The following MRGPRX3 variants were observed in gnomAD, a reference collection of about 807,000 sequenced individuals.
The protein encoded by MRGPRX3 is MAS related GPR family member X3, also known as mas-related G protein-coupled receptor member X3.
A neutral mutation model predicts 16.5 loss-of-function variants in MRGPRX3; 14 were observed. The ratio of observed to expected loss-of-function variants is 0.85; its 90% CI spans 0.56 to 1.33. The LOEUF (loss-of-function observed/expected upper bound fraction) is 1.33, where lower values mean the gene tolerates loss of function less well. MRGPRX3 is among the 40% of genes most tolerant of loss of function. MRGPRX3 has a pLI of 0.00. For synonymous variants in MRGPRX3, 199 were observed against 180.1 expected, an observed-to-expected ratio of 1.10 and a Z score of -0.84; for missense variants, 449 against 413.0, an observed-to-expected ratio of 1.09 and a Z score of -0.76.
At chr11:18,136,538 T>A (rs886583069) in intron 1 of MRGPRX3, among the ~76,000 whole-genome samples, 5 of 152,246 alleles carry the variant, frequency 3.3e-5, no homozygotes, top group African/African-American at 1.2e-4. Context: ...TCATTTTTAT[T>A]TTCCATTTCA....
chr11:18,123,304 G>T (rs1388426778), intron 1 of MRGPRX3, among the ~76,000 whole-genome samples: 1 of 152,028 alleles, frequency 6.6e-6, no homozygotes, highest in African/African-American at 2.4e-5. Context: ...TTTCTTCTAG[G>T]GTTTTTATGG....
intron 1 of MRGPRX3, among the ~76,000 whole-genome samples, chr11:18,125,662 C>T (rs1228275073): frequency 2.0e-5 from 3 of 152,154 alleles, no homozygotes; most frequent in African/African-American, 7.2e-5. Flanking sequence ...AATGTATATT[C>T]TGTTGATTTG....
At position 18,137,337 on chromosome 11, in the gene MRGPRX3, C is replaced by T. The variant is rs566088854; in HGVS notation, c.135C>T (p.Asn45=). Residue 45 remains asparagine, a synonymous_variant, in exon 2 of 2, where the codon AAC becomes AAT. Transcript: ENST00000621697. Reference sequence around the variant, plus strand: ...TTTCCCTTGTCGCGCTGACAGGAAACGCGGTTGTGCTCTGGCTCCTGGGCT... The same window carrying T: ...TTTCCCTTGTCGCGCTGACAGGAAATGCGGTTGTGCTCTGGCTCCTGGGCT... The part of the protein sequence containing the change: ...CIVSLVALTG[N]AVVLWLLGCR... 52 of 1,614,080 alleles carry T rather than the reference C, an allele frequency of 3.2e-5. No homozygotes were observed. The highest frequency in any genetic ancestry group is 1.0e-4 in the Admixed American group (6 of 60,012).
At position 18,137,360 on chromosome 11, in the gene MRGPRX3, G is replaced by A. The variant is rs1311645465; in HGVS notation, c.158G>A (p.Gly53Asp). ...AACGCGGTTGTGCTCTGGCTCCTGG[G>A]CTGCCGCATGCGCAGGAACGCTGTC... Reference protein sequence around the residue: ...TGNAVVLWLLGCRMRRNAVSI... With the variant: ...TGNAVVLWLLDCRMRRNAVSI... The change falls in exon 2 of 2, where the codon GGC becomes GAC. Residue 53 changes from glycine (G) to aspartate (D), a missense_variant. Coordinates refer to ENST00000621697, the MANE Select transcript of MRGPRX3 (RefSeq NM_001370464.1). The A allele has an allele frequency of 1.2e-6, 2 of 1,614,166 alleles. No individual in the cohort carries two copies. Among genetic ancestry groups the A allele is most frequent in the Admixed American group, 1.7e-5 (1 of 60,026 alleles).
intron 1 of MRGPRX3, among the ~76,000 whole-genome samples, chr11:18,125,377 T>C (rs1031951721): frequency 6.6e-6 from 1 of 152,252 alleles, no homozygotes; most frequent in African/African-American, 2.4e-5. Context: ...CCAGAGATTC[T>C]GGTATGTTGT....
chr11:18,124,687 A>G (rs1322299191), intron 1 of MRGPRX3, among the ~76,000 whole-genome samples: 1 of 152,170 alleles, frequency 6.6e-6, no homozygotes, highest in African/African-American at 2.4e-5. Flanking sequence ...TGGTATCAGG[A>G]TGATGCTGGC....
intron 1 of MRGPRX3, among the ~76,000 whole-genome samples, chr11:18,133,877 CA>C (rs1293073837): frequency 1.3e-5 from 2 of 152,218 alleles, no homozygotes; most frequent in Non-Finnish European, 2.9e-5. Flanking sequence ...TGGTGTCTCC[CA>C]GTGTCTCAAT....
In MRGPRX3 at chr11:18,137,560, C is replaced by CG; in HGVS notation, c.359dup (p.Cys121LeufsTer42). The stretch of plus-strand genomic sequence containing the variant: ...CATGCTGAGCGCCATCAGCACCGAG[C>CG]GCTGCCTGTCCATCCTGTGGCCCAT... On this transcript the variant is annotated frameshift_variant, in exon 2 of 2. Transcript: ENST00000621697. LOFTEE classifies it high-confidence loss of function. 1 of 1,614,156 alleles carries CG rather than the reference C, an allele frequency of 6.2e-7. No homozygotes were observed. Among genetic ancestry groups the CG allele is most frequent in the Non-Finnish European group, 8.5e-7 (1 of 1,180,028 alleles).
chr11:18,124,437 T>G (rs534199723), intron 1 of MRGPRX3, among the ~76,000 whole-genome samples: 1 of 152,218 alleles, frequency 6.6e-6, no homozygotes, highest in African/African-American at 2.4e-5. Context: ...CTGCATCTAT[T>G]GAGATAATCA....
chr11:18,131,707 C>A (rs1848962050), upstream of MRGPRX3, among the ~76,000 whole-genome samples: 1 of 151,802 alleles, frequency 6.6e-6, no homozygotes, highest in Admixed American at 6.6e-5. Flanking sequence ...TATTTATATA[C>A]CATGGAATAC....
chr11:18,137,621 C>G lies in MRGPRX3; in HGVS notation c.419C>G (p.Ser140Ter), dbSNP rs201547024. ...TGCCGCCGCCCCAGATACCTGTCAT[C>G]AGTCATGTGTGTCCTGCTCTGGGCC... ...YHCRRPRYLSSVMCVLLWALS... is the reference protein window; with the variant it reads ...YHCRRPRYLS Residue 140 changes from serine to a stop codon, truncating the protein, a stop_gained, in exon 2 of 2, where the codon TCA (serine) becomes TGA (stop). Transcript: ENST00000621697. LOFTEE classifies it high-confidence loss of function. 1.2e-6 allele frequency: 2 copies of G among 1,613,934 alleles called. No homozygotes were observed. Among genetic ancestry groups the G allele is most frequent in the Non-Finnish European group, 1.7e-6 (2 of 1,180,018 alleles).
intron 1 of MRGPRX3, among the ~76,000 whole-genome samples, chr11:18,126,036 T>C (rs889240031): frequency 2.0e-5 from 3 of 152,162 alleles, no homozygotes; most frequent in Non-Finnish European, 4.4e-5. Context: ...TTTCTTTCCA[T>C]TTGCTTGGTA....
chr11:18,129,869 G>A (rs1848942556), upstream of MRGPRX3, among the ~76,000 whole-genome samples: 1 of 152,174 alleles, frequency 6.6e-6, no homozygotes, highest in African/African-American at 2.4e-5. Flanking sequence ...TGCAGGATAG[G>A]TTAACATACA....
At chr11:18,136,061 A>G (rs1389542315) in intron 1 of MRGPRX3, among the ~76,000 whole-genome samples, 1 of 151,874 alleles carries the variant, frequency 6.6e-6, no homozygotes, top group African/African-American at 2.4e-5. Flanking sequence ...TTTACAACCC[A>G]AGCCCTACAC....
intron 1 of MRGPRX3, among the ~76,000 whole-genome samples, chr11:18,127,267 A>C (rs529480137): frequency 0.02 from 3,087 of 152,234 alleles, 127 homozygotes; most frequent in African/African-American, 0.072. Flanking sequence ...GCTCTTCTCG[A>C]GGAGTATCTT....
At chr11:18,131,424 A>G (rs73432044), upstream of MRGPRX3, among the ~76,000 whole-genome samples, 2,861 of 152,324 alleles carry the variant, frequency 0.019, 79 homozygotes, top group African/African-American at 0.063. Context: ...GCCAACAAAC[A>G]GGAAAAAATG....
upstream of MRGPRX3, among the ~76,000 whole-genome samples, chr11:18,128,786 T>A (rs1848930057): frequency 6.6e-6 from 1 of 152,164 alleles, no homozygotes; most frequent in Non-Finnish European, 1.5e-5. Context: ...CCCACTGTCC[T>A]GCACCCACTG....
rs367618059 is a variant in MRGPRX3 at position 18,137,659 on chromosome 11, C to T, written c.457C>T (p.Arg153Trp). Residue 153 changes from arginine (R) to tryptophan (W), a missense_variant, in exon 2 of 2, where the codon CGG becomes TGG. By Grantham distance (101) the Arg-to-Trp change is moderately radical. Transcript: ENST00000621697. ...CVLLWALSLL[R>W]SILEWMFCDF... is the part of the protein sequence containing the mutation. ...CCTGCTCTGGGCCCTGTCCCTGCTG[C>T]GGAGTATCCTGGAGTGGATGTTCTG... The T allele has an allele frequency of 4.4e-5, 71 of 1,614,000 alleles. No homozygotes were observed. Among genetic ancestry groups the T allele is most frequent in the East Asian group, 6.7e-5 (3 of 44,890 alleles).
rs932165937 is a variant in MRGPRX3, at chr11:18,137,192, G to A, written c.-11G>A. The A allele has an allele frequency of 1.3e-6, 2 of 1,572,266 alleles. No individual in the cohort carries two copies. Among genetic ancestry groups the A allele is most frequent in the Non-Finnish European group, 1.7e-6 (2 of 1,156,740 alleles). Reference sequence around the variant, plus strand: ...TCTGTTTCCAGGGTCATCAGACTGGGGTTTCTGAGCATGGATTCAACCATC... The same window carrying A: ...TCTGTTTCCAGGGTCATCAGACTGGAGTTTCTGAGCATGGATTCAACCATC... On this transcript the variant is annotated 5_prime_UTR_variant, in exon 2 of 2. Coordinates refer to ENST00000621697, the MANE Select transcript of MRGPRX3 (RefSeq NM_001370464.1).
Sources: gnomAD v4.1 joint callset for allele counts (sites outside exome capture counted in the v4.1 genomes callset) on GRCh38, gnomAD v4.1.1 for gene constraint, MANE v1.5 for transcripts, NCBI Gene and HGNC (gene_info 2026-07-23, HGNC 2026-07-21) for gene names.